Variants in PCDH15 observed in about 807,000 individuals in gnomAD.
PCDH15 encodes protocadherin related 15.
PCDH15 carries 129 observed loss-of-function variants against 178.5 expected under a neutral mutation model. The ratio of observed to expected loss-of-function variants is 0.72; its 90% CI spans 0.63 to 0.84. The LOEUF is 0.84. Ranked by LOEUF, PCDH15 falls within the 40% of genes least tolerant of loss-of-function variation. The pLI, the probability that PCDH15 is intolerant of heterozygous loss-of-function variation, is 0.00. For synonymous variants in PCDH15, 800 were observed against 732.0 expected, an observed-to-expected ratio of 1.09 and a Z score of -1.50; for missense variants, 2,230 against 2,099.9, an observed-to-expected ratio of 1.06 and a Z score of -1.21.
At chr10:54,447,175 T>C (rs1187841568) in intron 3 of PCDH15, among the ~76,000 whole-genome samples, 1 of 151,650 alleles carries the variant, frequency 6.6e-6, no homozygotes, top group Admixed American at 6.6e-5. Context: ...GAGCATCTGG[T>C]ACATGAGCCT....
At chr10:54,931,787 C>A (rs1259874508) in intron 2 of PCDH15, among the ~76,000 whole-genome samples, 3 of 152,094 alleles carry the variant, frequency 2.0e-5, no homozygotes, top group Non-Finnish European at 4.4e-5. Flanking sequence ...AACTCACAGT[C>A]TAGTGTTTTG....
At chr10:54,055,340 C>T (rs2093862947) in intron 18 of PCDH15, among the ~76,000 whole-genome samples, 1 of 152,090 alleles carries the variant, frequency 6.6e-6, no homozygotes, top group Non-Finnish European at 1.5e-5. Flanking sequence ...GTTACCTAGA[C>T]CTCAAAGAAG....
chr10:55,155,405 A>G (rs10825476), intron 2 of PCDH15, among the ~76,000 whole-genome samples: 81,045 of 150,284 alleles, frequency 0.54, 23,618 homozygotes, highest in Non-Finnish European at 0.65. Flanking sequence ...GTGAAATTTA[A>G]TGAACACTAA....
chr10:55,533,669 T>A (rs571574820), intron 2 of PCDH15, among the ~76,000 whole-genome samples: 1 of 151,972 alleles, frequency 6.6e-6, no homozygotes, highest in African/African-American at 2.4e-5. Flanking sequence ...AGTTTACAGA[T>A]TCAACACTAT....
chr10:54,288,908 C>T (rs1387788039), intron 8 of PCDH15, among the ~76,000 whole-genome samples: 1 of 152,230 alleles, frequency 6.6e-6, no homozygotes, highest in Non-Finnish European at 1.5e-5. Flanking sequence ...GGCCTACTGC[C>T]TCTATAGACT....
chr10:55,624,881 T>C (rs1353025134), intron 2 of PCDH15, among the ~76,000 whole-genome samples: 1 of 152,190 alleles, frequency 6.6e-6, no homozygotes, highest in African/African-American at 2.4e-5. Flanking sequence ...TGTGAAGTTT[T>C]ATTAATGGAA....
At chr10:55,599,360 T>C (rs948286801) in intron 2 of PCDH15, 7 of 152,174 alleles carry the variant, frequency 4.6e-5, no homozygotes, top group East Asian at 1.9e-4. Context: ...CTCCTGTAAG[T>C]TTAACTGTTA....
chr10:55,614,872 C>A (rs1170723130), intron 2 of PCDH15, among the ~76,000 whole-genome samples: 1 of 152,088 alleles, frequency 6.6e-6, no homozygotes, highest in Non-Finnish European at 1.5e-5. Context: ...TGACAGTTTA[C>A]CCTTTAATAC....
intron 1 of PCDH15, among the ~76,000 whole-genome samples, chr10:55,169,737 C>T (rs541356357): frequency 4.6e-5 from 7 of 152,118 alleles, no homozygotes; most frequent in East Asian, 1.9e-4. Context: ...ATTTATATTA[C>T]TAACTGCCAA....
chr10:54,288,681 G>A (rs2132932374), intron 8 of PCDH15, among the ~76,000 whole-genome samples: 1 of 152,300 alleles, frequency 6.6e-6, no homozygotes, highest in South Asian at 2.1e-4. Flanking sequence ...TTTTCCCAAG[G>A]TCTTCGCAAC....
rs181607000 is a variant in PCDH15 at position 54,858,261 on chromosome 10, A to G, written c.-29+39189T>C. On this transcript the variant is annotated intron_variant, in intron 3 of 5. Transcript: ENST00000458638. ...CAATTTCCTTCTTTTTGAAGGCTAC[A>G]TAATATTCCGTTGTGTATACATACT... Among the ~76,000 whole-genome samples, 368 of 152,300 alleles carry G rather than the reference A, an allele frequency of 2.4e-3. 2 individuals carry two copies. Among genetic ancestry groups the G allele is most frequent in the African/African-American group, 7.4e-3 (307 of 41,564 alleles).
chr10:54,747,730 T>C (rs1185481030), intron 1 of PCDH15, among the ~76,000 whole-genome samples: 1 of 151,900 alleles, frequency 6.6e-6, no homozygotes, highest in African/African-American at 2.4e-5. Context: ...ATTTCTTGAA[T>C]CTAAGACTCC....
intron 1 of PCDH15, among the ~76,000 whole-genome samples, chr10:54,786,759 T>C (rs1469329443): frequency 6.6e-6 from 1 of 151,900 alleles, no homozygotes; most frequent in Non-Finnish European, 1.5e-5. Flanking sequence ...GTCTTCAATA[T>C]ATGACTTTAG....
intron 2 of PCDH15, among the ~76,000 whole-genome samples, chr10:55,362,249 C>T (rs946823051): frequency 6.6e-6 from 1 of 152,084 alleles, no homozygotes; most frequent in Admixed American, 6.6e-5. Flanking sequence ...GCCTAAAAAA[C>T]TACTCGTGGT....
chr10:54,065,220 C>A (rs2094114386), intron 18 of PCDH15, among the ~76,000 whole-genome samples: 1 of 152,172 alleles, frequency 6.6e-6, no homozygotes, highest in African/African-American at 2.4e-5. Flanking sequence ...GTTCCATAAC[C>A]TCTCAGGAAC....
At chr10:54,251,971 C>T (rs1041699101) in intron 8 of PCDH15, among the ~76,000 whole-genome samples, 1 of 152,010 alleles carries the variant, frequency 6.6e-6, no homozygotes, top group Non-Finnish European at 1.5e-5. Flanking sequence ...TATGCTCCCC[C>T]CTGCCTTTTT....
At chr10:54,043,022 A>C (rs1291025315) in intron 18 of PCDH15, among the ~76,000 whole-genome samples, 3 of 152,108 alleles carry the variant, frequency 2.0e-5, no homozygotes, top group Non-Finnish European at 4.4e-5. Context: ...TTGCTAGCCA[A>C]ATGGCATGCT....
intron 33 of PCDH15, among the ~76,000 whole-genome samples, chr10:53,819,947 A>T (rs545859009): frequency 8.5e-5 from 13 of 152,186 alleles, no homozygotes; most frequent in African/African-American, 3.1e-4. Flanking sequence ...AAACTTTCAG[A>T]TTATGTAAAT....
chr10:54,420,641 G>A (rs1019706558), intron 3 of PCDH15, among the ~76,000 whole-genome samples: 5 of 152,018 alleles, frequency 3.3e-5, no homozygotes, highest in Non-Finnish European at 7.4e-5. Context: ...TTACTCTGGG[G>A]AGAATAGAAC....
Sources: gnomAD v4.1 joint callset for allele counts (sites outside exome capture counted in the v4.1 genomes callset) on GRCh38, gnomAD v4.1.1 for gene constraint, MANE v1.5 for transcripts, NCBI Gene and HGNC (gene_info 2026-07-23, HGNC 2026-07-21) for gene names.